The following RAP2C variants were observed in gnomAD, a reference collection of about 807,000 sequenced individuals.
The protein encoded by RAP2C is ras-related protein Rap-2c.
In RAP2C, 3 loss-of-function variants were observed where a neutral mutation model predicts 8.9. The ratio of observed to expected loss-of-function variants is 0.34; its 90% CI spans 0.15 to 0.87. The LOEUF is 0.87. RAP2C is among the 40% of genes least tolerant of loss of function. RAP2C has a pLI of 0.51. For synonymous variants in RAP2C, 60 were observed against 52.1 expected (o/e 1.15, Z -0.65); for missense variants, 76 against 133.7 (o/e 0.57, Z 2.13).
chrX:132,213,135 C>G (rs1361958292), intron 5 of RAP2C, among the ~76,000 whole-genome samples: 1 of 111,677 alleles, frequency 9.0e-6, no homozygotes, highest in Non-Finnish European at 1.9e-5. Flanking sequence ...GACTCGAGGT[C>G]AGCCTTGGCT....
rs1240019993 is a variant in RAP2C, at chrX:132,204,583, G to C, written c.*1039C>G. 1 of 112,079 alleles carries C rather than the reference G, an allele frequency of 8.9e-6. No individual in the cohort carries two copies. The highest frequency in any genetic ancestry group is 2.8e-4 in the East Asian group (1 of 3,611). 9.2% of individuals were successfully genotyped at this position (112,079 alleles called of 1,213,427 possible). On this transcript the variant is annotated 3_prime_UTR_variant, in exon 6 of 6. Coordinates refer to ENST00000370874, the MANE Select transcript of RAP2C (RefSeq NM_001271186.2). The stretch of plus-strand genomic sequence containing the variant: ...AAATAACTAAAAAGCAATTGTGATA[G>C]TGCAAGAAAACTTTAACAAATATTG...
rs138107081 is a variant in RAP2C, at chrX:132,209,196, T to C, written c.*35-3609A>G. Among the ~76,000 whole-genome samples the C allele has an allele frequency of 7.4e-3, 831 of 111,617 alleles. 28 individuals carry two copies. In the East Asian group the frequency reaches 0.099, roughly 13 times the overall value. On this transcript the variant is annotated intron_variant, in intron 5 of 5. Coordinates refer to ENST00000370874, the MANE Select transcript of RAP2C (RefSeq NM_001271186.2). ...CACACATGAAGGAAAGCAAGCTCAC[T>C]AAATGTTTATAGTGAACCCAGGGTA... is the stretch of plus-strand genomic sequence containing the variant.
Position 132,203,193 on chromosome X carries a change from G to A in RAP2C, c.*2429C>T, listed in dbSNP as rs888370625. ...GTTATTTGAGATTTTACCTTTCACT[G>A]ATAAAGTTACAGTACATTAGATCCA... is the stretch of plus-strand genomic sequence containing the variant. On this transcript the variant is annotated 3_prime_UTR_variant, in exon 6 of 6. Coordinates refer to ENST00000370874, the MANE Select transcript of RAP2C (RefSeq NM_001271186.2). The A allele has an allele frequency of 1.8e-5, 2 of 111,885 alleles. No homozygotes were observed. The highest frequency in any genetic ancestry group is 1.9e-4 in the Admixed American group (2 of 10,460). The allele number at this position is 111,885 out of a possible 1,213,427, so 9.2% of individuals were successfully genotyped here.
At position 132,216,678 on chromosome X, in the gene RAP2C, G is replaced by A. The variant is rs767666793; in HGVS notation, c.273+318C>T. 1.2e-4 allele frequency among the ~76,000 whole-genome samples: 14 copies of A among 112,209 alleles called. No individual in the cohort carries two copies. In the East Asian group the frequency reaches 3.9e-3, roughly 31 times the overall value. ...ATTTGTTAGATGTTTTGTCGTGTAA[G>A]TTAATCAATACTTGTTGAATTGAGC... On this transcript the variant is annotated intron_variant, in intron 4 of 5. Coordinates refer to ENST00000370874, the MANE Select transcript of RAP2C (RefSeq NM_001271186.2).
chrX:132,209,991 C>A (rs192827178), intron 5 of RAP2C, among the ~76,000 whole-genome samples: 1 of 111,363 alleles, frequency 9.0e-6, no homozygotes, highest in African/African-American at 3.3e-5. Context: ...ATGGTACATA[C>A]CACCCCCAAA....
chrX:132,218,002 C>T lies in RAP2C; in HGVS notation c.-625G>A, dbSNP rs1184645189. 3 of 109,772 alleles carry T rather than the reference C, an allele frequency of 2.7e-5. No homozygotes were observed. The highest frequency in any genetic ancestry group is 9.9e-5 in the African/African-American group (3 of 30,157). The allele number at this position is 109,772 out of a possible 1,213,427, so 9.0% of individuals were successfully genotyped here. ...CGCTGGCTCCTCTGTCTCTCCGCTG[C>T]CCCAGCGCTGCTGCTCGCCGCGGGG... On this transcript the variant is annotated 5_prime_UTR_variant, in exon 3 of 6. Coordinates refer to ENST00000370874, the MANE Select transcript of RAP2C (RefSeq NM_001271186.2).
chrX:132,208,754 G>A (rs1262506728), intron 5 of RAP2C, among the ~76,000 whole-genome samples: 1 of 110,661 alleles, frequency 9.0e-6, no homozygotes, highest in Non-Finnish European at 1.9e-5. Context: ...TGGAATTCCT[G>A]GGCTCAGGGG....
At chrX:132,211,226 C>T (rs1930421110) in intron 5 of RAP2C, among the ~76,000 whole-genome samples, 1 of 111,404 alleles carries the variant, frequency 9.0e-6, no homozygotes, top group Non-Finnish European at 1.9e-5. Context: ...AACTCTGTTC[C>T]AGTTGGTTGT....
chrX:132,208,996 T>C (rs1930352124), intron 5 of RAP2C, among the ~76,000 whole-genome samples: 2 of 111,853 alleles, frequency 1.8e-5, no homozygotes, highest in Non-Finnish European at 3.8e-5. Flanking sequence ...ATACAGGTTA[T>C]GTTTTTGTTA....
At chrX:132,208,379 G>C in intron 5 of RAP2C, among the ~76,000 whole-genome samples, 1 of 110,394 alleles carries the variant, frequency 9.1e-6, no homozygotes, top group East Asian at 2.8e-4. Context: ...TTTTTTTCTA[G>C]TTTTAGGGAT....
chrX:132,206,059 G>C (rs190682921), intron 5 of RAP2C, among the ~76,000 whole-genome samples: 36 of 111,010 alleles, frequency 3.2e-4, no homozygotes, highest in African/African-American at 1.1e-3. Flanking sequence ...TTTTTTGAGA[G>C]ATTAAAATAA....
At chrX:132,213,804 G>A (rs1236635535) in intron 5 of RAP2C, among the ~76,000 whole-genome samples, 1 of 111,785 alleles carries the variant, frequency 8.9e-6, no homozygotes, top group Non-Finnish European at 1.9e-5. Flanking sequence ...TGTGCATTCT[G>A]GATGCTAAAT....
rs1930658421 is a variant in RAP2C at position 132,217,571 on chromosome X, G to GC, written c.-304dup. On this transcript the variant is annotated 5_prime_UTR_variant, in exon 4 of 6. Transcript: ENST00000370874. ...CGGCGAGGGTGGCGAGGAGGCGCGT[G>GC]CCCCCGGGAGGGAAAGGGTGGGGGC... is the stretch of plus-strand genomic sequence containing the variant. 4.6e-6 allele frequency: 1 copy of GC among 219,014 alleles called. No homozygotes were observed. The highest frequency in any genetic ancestry group is 7.4e-5 in the East Asian group (1 of 13,452). The allele number at this position is 219,014 out of a possible 1,213,427, so 18.0% of individuals were successfully genotyped here.
rs1291335927 is a variant in RAP2C, at chrX:132,205,414, TG to T, written c.*207del. The T allele has an allele frequency of 8.9e-6, 1 of 112,134 alleles. No individual in the cohort carries two copies. The highest frequency in any genetic ancestry group is 1.9e-5 in the Non-Finnish European group (1 of 53,192). The allele number at this position is 112,134 out of a possible 1,213,427, so 9.2% of individuals were successfully genotyped here. A position where few individuals can be genotyped will look rare whatever the true frequency, so the allele number is the denominator to read the frequency against. ...ATGGATTTTAAACGTATGGTAAACG[TG>T]CTAAGCATTCCTGTTTAAGGTCGAT... On this transcript the variant is annotated 3_prime_UTR_variant, in exon 6 of 6. Coordinates refer to ENST00000370874, the MANE Select transcript of RAP2C (RefSeq NM_001271186.2).
intron 5 of RAP2C, among the ~76,000 whole-genome samples, chrX:132,207,276 CTTAAATA>C (rs953489105): frequency 4.5e-5 from 5 of 111,350 alleles, no homozygotes; most frequent in African/African-American, 1.3e-4. Context: ...AATTATTTCT[CTTAAATA>C]TTAAAGACCT....
At chrX:132,212,235 A>T (rs375711409) in intron 5 of RAP2C, among the ~76,000 whole-genome samples, 1 of 110,540 alleles carries the variant, frequency 9.0e-6, no homozygotes, top group African/African-American at 3.3e-5. Flanking sequence ...ATAAAAATGA[A>T]TATAGGTATT....
chrX:132,218,947 G>C (rs1294699393), intron 1 of RAP2C: 2 of 112,589 alleles, frequency 1.8e-5, no homozygotes, highest in Non-Finnish European at 3.8e-5. Flanking sequence ...CTTACATGCT[G>C]AAGTTTTGTT....
intron 4 of RAP2C, among the ~76,000 whole-genome samples, chrX:132,214,733 A>T (rs926962087): frequency 2.7e-5 from 3 of 111,658 alleles, no homozygotes; most frequent in Non-Finnish European, 3.8e-5. Context: ...TATACTGATT[A>T]AAAAAGCAAG....
chrX:132,213,987 TTGAC>T, intron 5 of RAP2C, 143 bp downstream of exon 5: 2 of 458,602 alleles, frequency 4.4e-6, no homozygotes, highest in Admixed American at 1.1e-4. Flanking sequence ...TCATTGAATG[TTGAC>T]TATTTTGTGT....
Sources: allele counts gnomAD v4.1 joint callset (sites outside exome capture counted in the v4.1 genomes callset), GRCh38; gene constraint gnomAD v4.1.1; transcripts MANE v1.5; gene names NCBI Gene and HGNC (gene_info 2026-07-23, HGNC 2026-07-21).